Variants in SYT2 observed in about 807,000 individuals in gnomAD.
The protein encoded by SYT2 is synaptotagmin-2.
SYT2 carries 15 observed loss-of-function variants against 39.9 expected under a neutral mutation model. The observed-to-expected ratio is 0.38, with a 90% CI of 0.25 to 0.58. The LOEUF is 0.58. Ranked by LOEUF, SYT2 falls within the 20% of genes least tolerant of loss-of-function variation. The pLI is 0.70. For missense variants in SYT2, 389 were observed against 530.3 expected, an observed-to-expected ratio of 0.73 and a Z score of 2.62; for synonymous variants, 181 against 204.5, an observed-to-expected ratio of 0.89 and a Z score of 0.98.
At chr1:202,690,788 A>C (rs921405070) in intron 1 of SYT2, among the ~76,000 whole-genome samples, 1 of 152,210 alleles carries the variant, frequency 6.6e-6, no homozygotes, top group Non-Finnish European at 1.5e-5. Context: ...AGAGTGAAGG[A>C]AAACAATTCT....
intron 1 of SYT2, among the ~76,000 whole-genome samples, chr1:202,671,512 T>C (rs1266193411): frequency 6.6e-6 from 1 of 152,244 alleles, no homozygotes; most frequent in African/African-American, 2.4e-5. Flanking sequence ...GGCCCAAATC[T>C]AGAAGACAAC....
chr1:202,625,957 C>T (rs1362931224), intron 1 of SYT2, among the ~76,000 whole-genome samples: 2 of 152,166 alleles, frequency 1.3e-5, no homozygotes, highest in Admixed American at 6.5e-5. Context: ...TGTGTGTGCA[C>T]GTGAACGCCA....
intron 1 of SYT2, among the ~76,000 whole-genome samples, chr1:202,695,246 AC>A (rs1224293729): frequency 2.6e-5 from 4 of 152,122 alleles, no homozygotes; most frequent in Non-Finnish European, 4.4e-5. Flanking sequence ...GAGACCTGTG[AC>A]CCCTGGTAAC....
intron 1 of SYT2, among the ~76,000 whole-genome samples, chr1:202,678,433 A>AT (rs748147913): frequency 2.0e-5 from 3 of 151,614 alleles, no homozygotes; most frequent in Admixed American, 6.6e-5. Context: ...TGGAGACTGC[A>AT]TCTGTTTCTT....
At chr1:202,609,859 G>T (rs1090612) in intron 1 of SYT2, among the ~76,000 whole-genome samples, 66,134 of 151,958 alleles carry the variant, frequency 0.44, 14,766 homozygotes, top group East Asian at 0.65. Flanking sequence ...TGATGGTAGT[G>T]TCTTTTGCTC....
At chr1:202,605,857 C>G (rs754703119) in intron 1 of SYT2, 68 bp from the exon 2 acceptor site, 70 of 1,182,490 alleles carry the variant, frequency 5.9e-5, no homozygotes, top group Non-Finnish European at 8.4e-5. Context: ...AAAGCCCTGC[C>G]CAAAGGACCA....
At chr1:202,702,251 C>A (rs987164148) in intron 1 of SYT2, among the ~76,000 whole-genome samples, 2 of 152,236 alleles carry the variant, frequency 1.3e-5, no homozygotes, top group African/African-American at 4.8e-5. Flanking sequence ...AGGCTCAGTT[C>A]TTGATGCTTC....
chr1:202,661,069 C>G (rs891422523), intron 1 of SYT2, among the ~76,000 whole-genome samples: 1 of 152,124 alleles, frequency 6.6e-6, no homozygotes. Flanking sequence ...GGACAGAGCA[C>G]TGAATGAGAT....
In SYT2 at chr1:202,591,393, G is replaced by A. The variant is rs1275198266; in HGVS notation, c.*5364C>T. On this transcript the variant is annotated 3_prime_UTR_variant, in exon 9 of 9. Coordinates refer to ENST00000367268, the MANE Select transcript of SYT2 (RefSeq NM_177402.5). ...GGTGCCCATGGGGCCAGGGGCCGCA[G>A]GCAGGGGGGCTACCTGTCCCTCTCA... 6.6e-6 allele frequency: 1 copy of A among 152,580 alleles called. No homozygotes were observed. The highest frequency in any genetic ancestry group is 2.4e-5 in the African/African-American group (1 of 41,472). The allele number at this position is 152,580 out of a possible 1,614,324, so 9.5% of individuals were successfully genotyped here.
chr1:202,643,598 C>A (rs1438038473), intron 1 of SYT2: 6 of 152,136 alleles, frequency 3.9e-5, no homozygotes, highest in African/African-American at 1.4e-4. Context: ...GCAGGGCCCC[C>A]GCCCCAGGCA....
intron 1 of SYT2, among the ~76,000 whole-genome samples, chr1:202,641,312 C>G (rs1285766197): frequency 1.2e-4 from 18 of 152,234 alleles, no homozygotes; most frequent in Non-Finnish European, 2.6e-4. Flanking sequence ...GCTCCCATCA[C>G]CCAGCCAAGC....
At chr1:202,709,197 C>T (rs763950362) in intron 1 of SYT2, among the ~76,000 whole-genome samples, 1 of 152,192 alleles carries the variant, frequency 6.6e-6, no homozygotes, top group East Asian at 1.9e-4. Flanking sequence ...AGTGGCCCCT[C>T]CTGGGCCAGC....
chr1:202,685,093 TGA>T (rs1461595682), intron 1 of SYT2, among the ~76,000 whole-genome samples: 1 of 152,194 alleles, frequency 6.6e-6, no homozygotes, highest in Admixed American at 6.5e-5. Context: ...AGGGGAAGTC[TGA>T]GAGTTCAGCC....
chr1:202,605,487 G>T, intron 2 of SYT2, 108 bp downstream of exon 2: 1 of 1,084,558 alleles, frequency 9.2e-7, no homozygotes, highest in Non-Finnish European at 1.3e-6. Context: ...TGAAATCTAA[G>T]CATTAGGAAA....
At chr1:202,676,264 T>C (rs373432389) in intron 1 of SYT2, among the ~76,000 whole-genome samples, 2 of 151,486 alleles carry the variant, frequency 1.3e-5, no homozygotes, top group African/African-American at 4.9e-5. Context: ...CTCCAGGGAG[T>C]TGGGGACAAG....
chr1:202,619,605 T>G (rs1357219239), intron 1 of SYT2, among the ~76,000 whole-genome samples: 1 of 152,248 alleles, frequency 6.6e-6, no homozygotes, highest in Non-Finnish European at 1.5e-5. Context: ...TGGACTGGAA[T>G]GTGCCCAGGG....
chr1:202,627,643 C>T (rs1691454994), intron 1 of SYT2: 1 of 985,174 alleles, frequency 1.0e-6, no homozygotes, highest in Admixed American at 6.1e-5. Flanking sequence ...GCATGAAGAC[C>T]ACTTCCCTGG....
At chr1:202,606,027 C>T (rs1016125596) in intron 1 of SYT2, among the ~76,000 whole-genome samples, 1 of 151,598 alleles carries the variant, frequency 6.6e-6, no homozygotes, top group African/African-American at 2.4e-5. Context: ...ATAGTGGGGG[C>T]TGAAGTGATA....
chr1:202,641,576 G>A (rs1278614312), intron 1 of SYT2, among the ~76,000 whole-genome samples: 1 of 152,216 alleles, frequency 6.6e-6, no homozygotes, highest in African/African-American at 2.4e-5. Context: ...CATCTCAACC[G>A]AAGACAGAAC....
Sources: allele counts gnomAD v4.1 joint callset (sites outside exome capture counted in the v4.1 genomes callset), GRCh38; gene constraint gnomAD v4.1.1; transcripts MANE v1.5; gene names NCBI Gene and HGNC (gene_info 2026-07-23, HGNC 2026-07-21).